Variants in CRTAC1 observed in about 807,000 individuals in gnomAD.
CRTAC1 encodes acidic secreted protein in cartilage.
In CRTAC1, 37 loss-of-function variants were observed where a neutral mutation model predicts 67.8. That is an observed-to-expected ratio of 0.55 (90% CI 0.42 to 0.72). The LOEUF is 0.72. CRTAC1 is among the 30% of genes least tolerant of loss of function. The probability of loss-of-function intolerance (pLI) is 0.00; values close to 1 mark genes in which losing one functional copy is unlikely to be tolerated. For synonymous variants in CRTAC1, 348 were observed against 371.0 expected (o/e 0.94, Z 0.71); for missense variants, 780 against 931.6 (o/e 0.84, Z 2.12).
chr10:97,907,363 G>C (rs2050627167), intron 6 of CRTAC1, among the ~76,000 whole-genome samples: 1 of 151,912 alleles, frequency 6.6e-6, no homozygotes, highest in African/African-American at 2.4e-5. Context: ...AGAGAAGGGG[G>C]AGGGCAGTCC....
intron 2 of CRTAC1, among the ~76,000 whole-genome samples, chr10:97,977,040 T>C (rs2051816746): frequency 6.6e-6 from 1 of 152,224 alleles, no homozygotes. Flanking sequence ...CTTCAAGATG[T>C]CACAGGAAAA....
intron 3 of CRTAC1, among the ~76,000 whole-genome samples, chr10:97,931,491 A>G (rs1311237060): frequency 6.6e-6 from 1 of 152,248 alleles, no homozygotes; most frequent in Non-Finnish European, 1.5e-5. Flanking sequence ...GGAGTACTAT[A>G]CAACCATAAA....
At chr10:97,923,213 C>G (rs1373725453) in intron 4 of CRTAC1, 51 bp downstream of exon 4, 2 of 1,610,632 alleles carry the variant, frequency 1.2e-6, no homozygotes, top group South Asian at 2.2e-5. Flanking sequence ...TGGCTCCTCT[C>G]CTGGCTCTCA....
intron 2 of CRTAC1, among the ~76,000 whole-genome samples, chr10:97,965,066 A>G (rs947445379): frequency 2.0e-5 from 3 of 152,234 alleles, no homozygotes; most frequent in African/African-American, 7.2e-5. Flanking sequence ...CTGGCTGATC[A>G]AATGAGCACA....
At chr10:98,014,370 T>C (rs1161996008) in intron 1 of CRTAC1, among the ~76,000 whole-genome samples, 2 of 152,208 alleles carry the variant, frequency 1.3e-5, no homozygotes, top group Non-Finnish European at 2.9e-5. Context: ...ATTGGAATCA[T>C]CTGGGGAGCT....
At chr10:97,909,069 A>G (rs1202839237) in intron 5 of CRTAC1, among the ~76,000 whole-genome samples, 1 of 152,202 alleles carries the variant, frequency 6.6e-6, no homozygotes, top group African/African-American at 2.4e-5. Flanking sequence ...GAAAGGAAGA[A>G]ATCCAATAAA....
At chr10:97,942,001 C>T (rs1056946101) in intron 2 of CRTAC1, among the ~76,000 whole-genome samples, 1 of 152,176 alleles carries the variant, frequency 6.6e-6, no homozygotes, top group African/African-American at 2.4e-5. Flanking sequence ...CAACCCAGCA[C>T]TCTCTTGCAG....
Sources: gnomAD v4.1 joint callset for allele counts (sites outside exome capture counted in the v4.1 genomes callset) on GRCh38, gnomAD v4.1.1 for gene constraint, MANE v1.5 for transcripts, NCBI Gene and HGNC (gene_info 2026-07-23, HGNC 2026-07-21) for gene names.